Variants in NF2 observed in about 807,000 individuals in gnomAD.
The protein encoded by NF2 is NF2, moesin-ezrin-radixin like (MERLIN) tumor suppressor, also known as merlin.
A neutral mutation model predicts 83.7 loss-of-function variants in NF2; 8 were observed. The observed-to-expected ratio is 0.10, with a 90% CI of 0.06 to 0.17. NF2 has a LOEUF of 0.17. NF2 is among the 10% of genes least tolerant of loss of function. NF2 has a pLI of 1.00. For synonymous variants in NF2, 266 were observed against 269.6 expected, an observed-to-expected ratio of 0.99 and a Z score of 0.13; for missense variants, 533 against 744.4, an observed-to-expected ratio of 0.72 and a Z score of 3.31.
chr22:29,610,519 T>C (rs1439178392), intron 1 of NF2, among the ~76,000 whole-genome samples: 1 of 151,816 alleles, frequency 6.6e-6, no homozygotes, highest in South Asian at 2.1e-4. Flanking sequence ...GGAGTGCGCC[T>C]GTAGTCCCAG....
intron 3 of NF2, among the ~76,000 whole-genome samples, chr22:29,641,859 G>T (rs1459920676): frequency 6.6e-6 from 1 of 152,162 alleles, no homozygotes; most frequent in Non-Finnish European, 1.5e-5. Context: ...AAGGGGCTGA[G>T]GCTGTAGTCA....
intron 2 of NF2, among the ~76,000 whole-genome samples, chr22:29,638,372 C>T (rs1162474428): frequency 7.0e-6 from 1 of 142,958 alleles, no homozygotes; most frequent in East Asian, 2.0e-4. Flanking sequence ...TTTTTTAAGA[C>T]AGAGTTTTGC....
At chr22:29,622,644 G>GTTTTTTT (rs1272153540) in intron 1 of NF2, among the ~76,000 whole-genome samples, 2 of 98,610 alleles carry the variant, frequency 2.0e-5, no homozygotes, top group Non-Finnish European at 4.3e-5. Flanking sequence ...GGAAGACCCT[G>GTTTTTTT]TATTTTTTTT....
rs1256603438 is a variant in NF2 at position 29,603,969 on chromosome 22, C to T, written c.-30C>T. The T allele has an allele frequency of 4.0e-6, 6 of 1,512,794 alleles. No individual in the cohort carries two copies. In the African/African-American group the frequency reaches 4.1e-5, roughly 10 times the overall value. The allele number at this position is 1,512,794 out of a possible 1,614,324, so 93.7% of individuals were successfully genotyped here. On this transcript the variant is annotated 5_prime_UTR_variant, in exon 1 of 16. Coordinates refer to ENST00000338641, the MANE Select transcript of NF2 (RefSeq NM_000268.4). ...AGGGCTCAGAGTGCAGGCCGTGGGG[C>T]GCGAGGGTCCCGGGCCTGAGCCCCG... is the stretch of plus-strand genomic sequence containing the variant.
intron 9 of NF2, among the ~76,000 whole-genome samples, chr22:29,667,322 G>A (rs944636427): frequency 4.0e-5 from 6 of 151,868 alleles, no homozygotes; most frequent in African/African-American, 1.5e-4. Flanking sequence ...ACTGCAGCAT[G>A]GACCTGCCCA....
intron 5 of NF2, among the ~76,000 whole-genome samples, chr22:29,655,033 G>A (rs2066257781): frequency 6.6e-6 from 1 of 152,140 alleles, no homozygotes; most frequent in Non-Finnish European, 1.5e-5. Context: ...TATTCAGCTT[G>A]GGGAATTGAG....
Position 29,610,920 on chromosome 22 carries a change from A to G in NF2, c.114+6808A>G, listed in dbSNP as rs2064936140. Among the ~76,000 whole-genome samples, 2 of 152,338 alleles carry G rather than the reference A, an allele frequency of 1.3e-5. 1 individual carries two copies. Among genetic ancestry groups the G allele is most frequent in the South Asian group, 4.1e-4 (2 of 4,828 alleles). On this transcript the variant is annotated intron_variant, in intron 1 of 15. Transcript: ENST00000338641. ...ACAAATGTGGAAGCAAAAATCCTCAACAAAAATACTAGCAAACTGAATCCA... is the reference window on the plus strand; with the variant it reads ...ACAAATGTGGAAGCAAAAATCCTCAGCAAAAATACTAGCAAACTGAATCCA...
rs1185888569 is a variant in NF2 at position 29,605,230 on chromosome 22, ATCTTG to A, written c.114+1122_114+1126del. On this transcript the variant is annotated intron_variant, in intron 1 of 15. Transcript: ENST00000338641. ...CACCGGGCTAGAGTGCAATGGCGCG[ATCTTG>A]TCTCACTGCCACCTCCACTTCCAGG... Among the ~76,000 whole-genome samples, 3 of 145,568 alleles carry A rather than the reference ATCTTG, an allele frequency of 2.1e-5. 1 individual carries two copies. The Admixed American group carries it at 2.1e-4, about 10-fold the overall frequency.
chr22:29,670,834 G>C (rs779893326), intron 10 of NF2, among the ~76,000 whole-genome samples: 4 of 152,114 alleles, frequency 2.6e-5, no homozygotes, highest in African/African-American at 7.2e-5. Flanking sequence ...TTAAGGACAC[G>C]GGGCTGTGTT....
At position 29,695,004 on chromosome 22, in the gene NF2, G is replaced by A; in HGVS notation, c.*202G>A. On this transcript the variant is annotated 3_prime_UTR_variant, in exon 16 of 16. Coordinates refer to ENST00000338641, the MANE Select transcript of NF2 (RefSeq NM_000268.4). The surrounding 1 kb of genome is among the most constrained non-coding windows in gnomAD (Gnocchi z 5.4). ...ACGACCCTGTAGAGATTTCTCTCATGGCGTTCTAGTTCTCTGACCTGAGTC... is the reference window on the plus strand; with the variant it reads ...ACGACCCTGTAGAGATTTCTCTCATAGCGTTCTAGTTCTCTGACCTGAGTC... The A allele has an allele frequency of 3.1e-6, 2 of 639,968 alleles. No homozygotes were observed. The highest frequency in any genetic ancestry group is 5.6e-6 in the Non-Finnish European group (2 of 356,998). The allele number at this position is 639,968 out of a possible 1,614,324, so 39.6% of individuals were successfully genotyped here.
intron 1 of NF2, among the ~76,000 whole-genome samples, chr22:29,626,887 A>G (rs757428678): frequency 5.9e-5 from 9 of 152,210 alleles, no homozygotes; most frequent in Non-Finnish European, 1.2e-4. Context: ...AGTATATCAC[A>G]CATTTGTAAT....
In NF2 at chr22:29,671,885, G is replaced by A. The variant is rs1379674036; in HGVS notation, c.1059G>A (p.Arg353=). 2 of 1,614,142 alleles carry A rather than the reference G, an allele frequency of 1.2e-6. No individual in the cohort carries two copies. The highest frequency in any genetic ancestry group is 1.7e-6 in the Non-Finnish European group (2 of 1,180,018). The change falls in exon 11 of 16, where the codon AGG becomes AGA. Residue 353 remains arginine, a synonymous_variant. Coordinates refer to ENST00000338641, the MANE Select transcript of NF2 (RefSeq NM_000268.4). ...KQMREEAERT[R]DELERRLLQM... ...TGAGGGAGGAGGCTGAACGCACGAG[G>A]GATGAGTTGGAGAGGAGGCTGCTGC...
intron 15 of NF2, among the ~76,000 whole-genome samples, chr22:29,684,707 C>T (rs552354495): frequency 2.6e-5 from 4 of 152,144 alleles, no homozygotes; most frequent in African/African-American, 4.8e-5. Context: ...ATCAAACACT[C>T]GGGTTAATCA....
chr22:29,634,287 C>T (rs938099075), intron 1 of NF2, among the ~76,000 whole-genome samples: 1 of 152,194 alleles, frequency 6.6e-6, no homozygotes, highest in Non-Finnish European at 1.5e-5. Flanking sequence ...CTAAGTAGGG[C>T]ATTCTGAATT....
At chr22:29,687,679 C>T (rs2067302369) in intron 15 of NF2, among the ~76,000 whole-genome samples, 1 of 152,068 alleles carries the variant, frequency 6.6e-6, no homozygotes, top group Non-Finnish European at 1.5e-5. Flanking sequence ...AGGAACTGGG[C>T]GTTGTATGGT....
intron 7 of NF2, 88 bp from the exon 8 acceptor site, chr22:29,661,117 G>T: frequency 6.3e-7 from 1 of 1,579,130 alleles, no homozygotes. Flanking sequence ...TGTCACATGT[G>T]ACAGTGTGTG....
intron 15 of NF2, chr22:29,683,296 A>G: frequency 4.9e-6 from 7 of 1,441,426 alleles, no homozygotes; most frequent in Non-Finnish European, 6.4e-6. Context: ...AGAGCATGTC[A>G]TGGGGCTGTA....
intron 1 of NF2, among the ~76,000 whole-genome samples, chr22:29,625,299 T>G (rs1200667575): frequency 3.3e-5 from 5 of 152,210 alleles, no homozygotes; most frequent in African/African-American, 4.8e-5. Context: ...ATAGCAGGAT[T>G]CTTTTCGGAT....
At chr22:29,655,828 A>C (rs1404754180) in intron 6 of NF2, 152 bp downstream of exon 6, 1 of 687,922 alleles carries the variant, frequency 1.5e-6, no homozygotes, top group East Asian at 2.7e-5. Flanking sequence ...GCTGGGAGTA[A>C]CGTTGGTCTT....
Sources: allele counts gnomAD v4.1 joint callset (sites outside exome capture counted in the v4.1 genomes callset), GRCh38; gene constraint gnomAD v4.1.1; non-coding constraint Gnocchi (gnomAD v3.1); transcripts MANE v1.5; gene names NCBI Gene and HGNC (gene_info 2026-07-23, HGNC 2026-07-21).